ZNF560: variants seen among roughly 807,000 people sequenced by gnomAD.
The protein encoded by ZNF560 is zinc finger protein 560.
Under a neutral mutation model 81.8 loss-of-function variants are expected in ZNF560, and 54 were observed. The observed-to-expected ratio is 0.66, with a 90% CI of 0.53 to 0.83. The LOEUF (loss-of-function observed/expected upper bound fraction) is 0.83, where lower values mean the gene tolerates loss of function less well. Among genes scored for constraint, ZNF560 ranks in the 40% least tolerant of loss-of-function variants. ZNF560 has a pLI of 0.00. For synonymous variants in ZNF560, 321 were observed against 317.9 expected, an observed-to-expected ratio of 1.01 and a Z score of -0.10; for missense variants, 940 against 932.4, an observed-to-expected ratio of 1.01 and a Z score of -0.11.
chr19:9,491,507 A>G (rs2073472649), intron 2 of ZNF560, among the ~76,000 whole-genome samples: 1 of 151,908 alleles, frequency 6.6e-6, no homozygotes, highest in South Asian at 2.1e-4. Flanking sequence ...GTGCTCCCCA[A>G]AATTAGGTGC....
chr19:9,471,233 T>C (rs1202992403), intron 6 of ZNF560, 63 bp downstream of exon 6: 3 of 1,227,704 alleles, frequency 2.4e-6, no homozygotes, highest in African/African-American at 3.1e-5. Context: ...GCTTATTTTC[T>C]ATATTGGAAG....
At chr19:9,483,681 C>A (rs1338622001) in intron 2 of ZNF560, among the ~76,000 whole-genome samples, 12 of 146,282 alleles carry the variant, frequency 8.2e-5, no homozygotes, top group Non-Finnish European at 4.6e-5. Flanking sequence ...AGGTGGGGGG[C>A]GCCTCCGCCC....
the ZNF560 span, among the ~76,000 whole-genome samples, chr19:9,452,515 A>G: frequency 6.6e-6 from 1 of 152,250 alleles, no homozygotes; most frequent in Non-Finnish European, 1.5e-5. Context: ...GCCAATCAAC[A>G]GTGGAATGGA....
intron 2 of ZNF560, among the ~76,000 whole-genome samples, chr19:9,476,418 G>C (rs1306017421): frequency 1.3e-5 from 2 of 151,980 alleles, no homozygotes; most frequent in Non-Finnish European, 2.9e-5. Context: ...TCAGCCTCCT[G>C]AGTAGCTGGG....
chr19:9,486,371 AG>A (rs1187572972), intron 2 of ZNF560, among the ~76,000 whole-genome samples: 1 of 152,246 alleles, frequency 6.6e-6, no homozygotes, highest in Non-Finnish European at 1.5e-5. Flanking sequence ...CAAATGGTAC[AG>A]GGTGGAAAGT....
upstream of ZNF560, among the ~76,000 whole-genome samples, chr19:9,501,958 G>A (rs1270535477): frequency 6.6e-6 from 1 of 151,714 alleles, no homozygotes; most frequent in Non-Finnish European, 1.5e-5. Flanking sequence ...TTTGAGACCT[G>A]CCTGGCCAAC....
chr19:9,481,010 GGA>G (rs777331721), intron 2 of ZNF560, among the ~76,000 whole-genome samples: 1 of 151,094 alleles, frequency 6.6e-6, no homozygotes, highest in African/African-American at 2.4e-5. Context: ...CTTGAGCCCA[GGA>G]GAGAGAGGCT....
chr19:9,455,677 A>C, the ZNF560 span, among the ~76,000 whole-genome samples: 1 of 152,218 alleles, frequency 6.6e-6, no homozygotes, highest in Admixed American at 6.5e-5. Flanking sequence ...TCAACTGCTC[A>C]GGATATAGTG....
the ZNF560 span, among the ~76,000 whole-genome samples, chr19:9,451,372 G>T: frequency 6.6e-6 from 1 of 152,072 alleles, no homozygotes; most frequent in Non-Finnish European, 1.5e-5. Context: ...AATAGAGAAA[G>T]AATTCCCAAC....
chr19:9,483,269 C>A (rs1401792110), intron 2 of ZNF560, among the ~76,000 whole-genome samples: 3 of 151,396 alleles, frequency 2.0e-5, no homozygotes, highest in African/African-American at 7.3e-5. Context: ...GCACCTCTGC[C>A]CCGCCGCCCC....
intron 4 of ZNF560, among the ~76,000 whole-genome samples, chr19:9,473,796 A>G (rs533634290): frequency 1.3e-5 from 2 of 152,332 alleles, no homozygotes; most frequent in South Asian, 2.1e-4. Context: ...AGTCACAGAA[A>G]TAAGGTATGT....
chr19:9,490,928 C>T (rs556494483), intron 2 of ZNF560, among the ~76,000 whole-genome samples: 156 of 152,264 alleles, frequency 1.0e-3, no homozygotes, highest in African/African-American at 3.5e-3. Flanking sequence ...ATCAATTCTC[C>T]TGTTTTCCAC....
At chr19:9,473,128 T>C (rs10408343) in intron 5 of ZNF560, 51 bp downstream of exon 5, 145,524 of 1,432,810 alleles carry the variant, frequency 0.1, 10,295 homozygotes, top group African/African-American at 0.31. Flanking sequence ...ACACAGCTTC[T>C]AAACATACTG....
chr19:9,469,141 A>T lies in ZNF560; in HGVS notation c.576T>A (p.Asp192Glu). The part of the protein sequence containing the change: ...LKTKGPALWQ[D>E]NFCLKTLNGI... ...CATTTAATGTTTTTAAACAAAAATT[A>T]TCTTGCCAAAGGGCTGGCCCTTTGG... Residue 192 changes from aspartate (D) to glutamate (E), a missense_variant, in exon 9 of 10, where the codon GAT (aspartate) becomes GAA (glutamate). Coordinates refer to ENST00000301480, the MANE Select transcript of ZNF560 (RefSeq NM_152476.3). 6.3e-7 allele frequency: 1 copy of T among 1,597,814 alleles called. No individual in the cohort carries two copies. The highest frequency in any genetic ancestry group is 1.3e-5 in the African/African-American group (1 of 74,150).
chr19:9,458,423 C>A, the ZNF560 span, among the ~76,000 whole-genome samples: 2 of 152,256 alleles, frequency 1.3e-5, no homozygotes, highest in Non-Finnish European at 2.9e-5. Context: ...ACGCCCTATA[C>A]TTCAGCTCAA....
upstream of ZNF560, among the ~76,000 whole-genome samples, chr19:9,500,534 G>A (rs1214855116): frequency 6.6e-6 from 1 of 151,922 alleles, no homozygotes; most frequent in Non-Finnish European, 1.5e-5. Context: ...GTTTTCGTAA[G>A]TGCGTTTTGT....
chr19:9,452,607 G>A, the ZNF560 span, among the ~76,000 whole-genome samples: 1 of 152,216 alleles, frequency 6.6e-6, no homozygotes, highest in Admixed American at 6.5e-5. Flanking sequence ...GCAGCAACAT[G>A]GTTGAAGTTG....
At chr19:9,450,032 C>T in the ZNF560 span, among the ~76,000 whole-genome samples, 1 of 149,052 alleles carries the variant, frequency 6.7e-6, no homozygotes, top group African/African-American at 2.5e-5. Context: ...ATGGCTTGTG[C>T]CCGTAATCCC....
chr19:9,483,732 G>T (rs188905276), intron 2 of ZNF560, among the ~76,000 whole-genome samples: 4 of 150,016 alleles, frequency 2.7e-5, no homozygotes, highest in African/African-American at 9.8e-5. Flanking sequence ...GCCTCTGCCC[G>T]GCTGCCCCTT....
Sources: gnomAD v4.1 joint callset for allele counts (sites outside exome capture counted in the v4.1 genomes callset) on GRCh38, gnomAD v4.1.1 for gene constraint, MANE v1.5 for transcripts, NCBI Gene and HGNC (gene_info 2026-07-23, HGNC 2026-07-21) for gene names.